Variants in CNTN5 observed in about 807,000 individuals in gnomAD.
CNTN5 encodes contactin-5.
In CNTN5, 77 loss-of-function variants were observed where a neutral mutation model predicts 129.1. That is an observed-to-expected ratio of 0.60 (90% CI 0.50 to 0.72). The LOEUF (loss-of-function observed/expected upper bound fraction) is 0.72, where lower values mean the gene tolerates loss of function less well. Ranked by LOEUF, CNTN5 falls within the 30% of genes least tolerant of loss-of-function variation. CNTN5 has a pLI of 0.00. For synonymous variants in CNTN5, 509 were observed against 465.6 expected (o/e 1.09, Z -1.20); for missense variants, 1,478 against 1,328.8 (o/e 1.11, Z -1.75).
intron 1 of CNTN5, among the ~76,000 whole-genome samples, chr11:99,117,391 A>G (rs1858093696): frequency 6.6e-6 from 1 of 152,126 alleles, no homozygotes; most frequent in Non-Finnish European, 1.5e-5. Flanking sequence ...AAGGATGACC[A>G]CAATCCTGAT....
At chr11:100,307,445 G>A (rs1055831161) in intron 20 of CNTN5, among the ~76,000 whole-genome samples, 2 of 151,372 alleles carry the variant, frequency 1.3e-5, no homozygotes, top group African/African-American at 4.8e-5. Context: ...GAAATATTTT[G>A]TTCCTCACAT....
intron 11 of CNTN5, among the ~76,000 whole-genome samples, chr11:100,071,074 AAT>A (rs1170115852): frequency 1.3e-5 from 2 of 152,090 alleles, no homozygotes; most frequent in African/African-American, 4.8e-5. Context: ...TTGTTTTTGA[AAT>A]ATGCTCTTGA....
chr11:99,120,463 C>T (rs554377203), intron 1 of CNTN5: 2 of 152,318 alleles, frequency 1.3e-5, no homozygotes, highest in African/African-American at 4.8e-5. Flanking sequence ...TAACTAGACG[C>T]TGAGAAAGAC....
At chr11:99,452,477 A>G (rs997204091) in intron 2 of CNTN5, among the ~76,000 whole-genome samples, 1 of 144,776 alleles carries the variant, frequency 6.9e-6, no homozygotes, top group African/African-American at 2.6e-5. Flanking sequence ...AGTTCACGCC[A>G]TTCTCCTGCC....
chr11:99,216,212 A>AT (rs1205117687), intron 1 of CNTN5, among the ~76,000 whole-genome samples: 1 of 151,962 alleles, frequency 6.6e-6, no homozygotes, highest in Non-Finnish European at 1.5e-5. Flanking sequence ...TAAGTCCAGT[A>AT]TTTTTTAGTT....
At chr11:99,731,163 C>A (rs1264216592) in intron 3 of CNTN5, among the ~76,000 whole-genome samples, 1 of 151,480 alleles carries the variant, frequency 6.6e-6, no homozygotes, top group Non-Finnish European at 1.5e-5. Flanking sequence ...GGCTGGAGTG[C>A]AGTGGCGCGA....
chr11:99,895,972 G>A (rs1266195676), intron 6 of CNTN5, among the ~76,000 whole-genome samples: 2 of 152,136 alleles, frequency 1.3e-5, no homozygotes, highest in Non-Finnish European at 2.9e-5. Context: ...CTTAGTAGGT[G>A]GGACTCACTG....
intron 2 of CNTN5, among the ~76,000 whole-genome samples, chr11:99,404,391 T>A (rs11219777): frequency 0.74 from 112,456 of 151,014 alleles, 42,761 homozygotes; most frequent in African/African-American, 0.9. Context: ...CAATTTTGTT[T>A]TTTGTTTTCT....
chr11:99,728,477 T>A (rs748853915), intron 3 of CNTN5, among the ~76,000 whole-genome samples: 1 of 152,202 alleles, frequency 6.6e-6, no homozygotes, highest in Non-Finnish European at 1.5e-5. Flanking sequence ...AATATTTAAA[T>A]ATACTCAATG....
intron 3 of CNTN5, among the ~76,000 whole-genome samples, chr11:99,752,199 AG>A (rs1591095294): frequency 6.6e-6 from 1 of 152,230 alleles, no homozygotes; most frequent in East Asian, 1.9e-4. Context: ...GTGTATTTAA[AG>A]GTGATCCAAT....
intron 8 of CNTN5, among the ~76,000 whole-genome samples, chr11:99,964,487 C>G (rs893827349): frequency 4.6e-5 from 7 of 152,164 alleles, no homozygotes; most frequent in Admixed American, 2.0e-4. Context: ...TTGAACCAGC[C>G]TTGCATCCCA....
At chr11:100,068,083 A>G (rs1422149690) in intron 10 of CNTN5, among the ~76,000 whole-genome samples, 1 of 152,120 alleles carries the variant, frequency 6.6e-6, no homozygotes, top group Non-Finnish European at 1.5e-5. Context: ...TAAAGGCTAC[A>G]GTCATGGTAC....
intron 2 of CNTN5, among the ~76,000 whole-genome samples, chr11:99,476,468 A>T (rs768534895): frequency 6.6e-6 from 1 of 152,300 alleles, no homozygotes; most frequent in Admixed American, 6.5e-5. Flanking sequence ...TTAAAAAATT[A>T]CTTCATGAGT....
chr11:99,758,328 A>T (rs1421475457), intron 3 of CNTN5, among the ~76,000 whole-genome samples: 1 of 152,040 alleles, frequency 6.6e-6, no homozygotes, highest in Non-Finnish European at 1.5e-5. Flanking sequence ...AATTATGAAA[A>T]ACAGAAGTAT....
intron 6 of CNTN5, among the ~76,000 whole-genome samples, chr11:99,892,082 A>T (rs1453601377): frequency 6.6e-6 from 1 of 151,956 alleles, no homozygotes; most frequent in Non-Finnish European, 1.5e-5. Context: ...TAATGTAATG[A>T]TGAGCTTTTC....
intron 3 of CNTN5, among the ~76,000 whole-genome samples, chr11:99,576,351 G>A (rs1007577719): frequency 6.6e-5 from 10 of 152,254 alleles, no homozygotes; most frequent in South Asian, 2.1e-4. Context: ...TCTGGCAGGA[G>A]GTGTTTAAAG....
chr11:99,494,576 GA>G (rs891270794), intron 2 of CNTN5, among the ~76,000 whole-genome samples: 2 of 152,036 alleles, frequency 1.3e-5, no homozygotes, highest in African/African-American at 4.8e-5. Flanking sequence ...ACACTGTAGG[GA>G]AAAAAAGTCT....
chr11:99,396,996 A>G (rs1042450566), intron 2 of CNTN5, among the ~76,000 whole-genome samples: 2 of 151,754 alleles, frequency 1.3e-5, no homozygotes, highest in Non-Finnish European at 3.0e-5. Flanking sequence ...AAAATGGAGC[A>G]TCTCAAAAAG....
chr11:100,113,116 G>A (rs1017123125), intron 13 of CNTN5, among the ~76,000 whole-genome samples: 13 of 151,718 alleles, frequency 8.6e-5, no homozygotes, highest in African/African-American at 2.7e-4. Flanking sequence ...TAATGATATC[G>A]GATAGATATT....
Sources: gnomAD v4.1 joint callset for allele counts (sites outside exome capture counted in the v4.1 genomes callset) on GRCh38, gnomAD v4.1.1 for gene constraint, MANE v1.5 for transcripts, NCBI Gene and HGNC (gene_info 2026-07-23, HGNC 2026-07-21) for gene names.